The following CSNK2A2IP variants were observed in gnomAD, a reference collection of about 807,000 sequenced individuals.
CSNK2A2IP encodes casein kinase 2 subunit alpha' interacting protein.
the CSNK2A2IP span, among the ~76,000 whole-genome samples, chr3:88,344,240 C>T: frequency 6.7e-6 from 1 of 149,854 alleles, no homozygotes; most frequent in Non-Finnish European, 1.5e-5. Flanking sequence ...GACATGTGGT[C>T]ATTTCCATTA....
chr3:88,359,472 A>AAGT, the CSNK2A2IP span, among the ~76,000 whole-genome samples: 1 of 149,692 alleles, frequency 6.7e-6, no homozygotes, highest in Non-Finnish European at 1.5e-5. Flanking sequence ...GTTTTTTTTG[A>AAGT]AGTCTTTCTA....
chr3:88,373,248 A>G, the CSNK2A2IP span, among the ~76,000 whole-genome samples: 1 of 151,500 alleles, frequency 6.6e-6, no homozygotes, highest in East Asian at 1.9e-4. Flanking sequence ...CACTGTATTA[A>G]TACATTCAAA....
At chr3:88,359,610 T>A in the CSNK2A2IP span, among the ~76,000 whole-genome samples, 43 of 152,318 alleles carry the variant, frequency 2.8e-4, no homozygotes, top group African/African-American at 1.0e-3. Context: ...CTTCTTAATT[T>A]ATTTAAAGAC....
chr3:88,365,505 C>T, the CSNK2A2IP span, among the ~76,000 whole-genome samples: 1 of 152,112 alleles, frequency 6.6e-6, no homozygotes, highest in Admixed American at 6.6e-5. Flanking sequence ...GAAACATTCC[C>T]AGGTCCTCAG....
the CSNK2A2IP span, among the ~76,000 whole-genome samples, chr3:88,416,128 T>C: frequency 6.6e-6 from 1 of 151,338 alleles, no homozygotes. Flanking sequence ...AAAATTAGCC[T>C]GGTGTGGTGG....
At chr3:88,353,644 T>A in the CSNK2A2IP span, among the ~76,000 whole-genome samples, 1 of 152,184 alleles carries the variant, frequency 6.6e-6, no homozygotes, top group Admixed American at 6.5e-5. Context: ...CGGAAAATCC[T>A]TGCTTTCAAG....
At chr3:88,459,910 T>G in the CSNK2A2IP span, among the ~76,000 whole-genome samples, 2 of 152,164 alleles carry the variant, frequency 1.3e-5, no homozygotes, top group Non-Finnish European at 2.9e-5. Flanking sequence ...ATTATACTGT[T>G]AAATTTAGTG....
At chr3:88,391,780 T>C in the CSNK2A2IP span, among the ~76,000 whole-genome samples, 1 of 152,196 alleles carries the variant, frequency 6.6e-6, no homozygotes, top group South Asian at 2.1e-4. Context: ...TAGAAAGTCA[T>C]GAGACTGTGT....
the CSNK2A2IP span, among the ~76,000 whole-genome samples, chr3:88,409,416 T>C: frequency 2.6e-5 from 4 of 152,040 alleles, no homozygotes; most frequent in African/African-American, 7.3e-5. Context: ...GGCTAAGCCA[T>C]GATAGCATTC....
the CSNK2A2IP span, among the ~76,000 whole-genome samples, chr3:88,433,841 A>G: frequency 6.6e-6 from 1 of 152,174 alleles, no homozygotes; most frequent in Non-Finnish European, 1.5e-5. Context: ...CTCTGCCCAC[A>G]GAAATTGTTG....
At chr3:88,458,379 T>C in the CSNK2A2IP span, among the ~76,000 whole-genome samples, 1 of 151,944 alleles carries the variant, frequency 6.6e-6, no homozygotes, top group South Asian at 2.1e-4. Flanking sequence ...TCGAACTCCT[T>C]ATCTCAAGTG....
the CSNK2A2IP span, among the ~76,000 whole-genome samples, chr3:88,340,037 A>G: frequency 1.3e-5 from 2 of 152,052 alleles, no homozygotes; most frequent in African/African-American, 4.8e-5. Flanking sequence ...TTGCGAGGAC[A>G]CGGAATGACT....
chr3:88,422,814 A>T, the CSNK2A2IP span, among the ~76,000 whole-genome samples: 5 of 152,242 alleles, frequency 3.3e-5, no homozygotes, highest in Non-Finnish European at 5.9e-5. Context: ...AAAAATATTT[A>T]CTTTTTTCTT....
chr3:88,459,690 T>A, the CSNK2A2IP span, among the ~76,000 whole-genome samples: 21 of 152,136 alleles, frequency 1.4e-4, no homozygotes, highest in Admixed American at 5.2e-4. Flanking sequence ...TTGTTTTTGC[T>A]TTCATATGTT....
At chr3:88,340,312 T>C in the CSNK2A2IP span, among the ~76,000 whole-genome samples, 1 of 152,120 alleles carries the variant, frequency 6.6e-6, no homozygotes, top group East Asian at 1.9e-4. Context: ...AGGAATGTAC[T>C]TGTTAACACT....
At chr3:88,388,611 T>A in the CSNK2A2IP span, among the ~76,000 whole-genome samples, 1 of 152,158 alleles carries the variant, frequency 6.6e-6, no homozygotes, top group Non-Finnish European at 1.5e-5. Context: ...AGTCAGGAAG[T>A]GAAAAAAGTT....
the CSNK2A2IP span, among the ~76,000 whole-genome samples, chr3:88,401,598 A>G: frequency 6.6e-6 from 1 of 152,234 alleles, no homozygotes; most frequent in African/African-American, 2.4e-5. Context: ...CAAGTCTTTT[A>G]GGAGAAAGAT....
At chr3:88,349,791 CA>C in the CSNK2A2IP span, among the ~76,000 whole-genome samples, 4 of 152,070 alleles carry the variant, frequency 2.6e-5, no homozygotes, top group African/African-American at 9.7e-5. Context: ...TCCATGCCAA[CA>C]TCTATTTTTT....
the CSNK2A2IP span, among the ~76,000 whole-genome samples, chr3:88,414,877 T>A: frequency 2.6e-5 from 4 of 151,954 alleles, no homozygotes; most frequent in African/African-American, 9.7e-5. Flanking sequence ...GAGTCTAATG[T>A]GGATTAGGTA....
Sources: gnomAD v4.1 joint callset for allele counts (sites outside exome capture counted in the v4.1 genomes callset) on GRCh38, gnomAD v4.1.1 for gene constraint, MANE v1.5 for transcripts, NCBI Gene and HGNC (gene_info 2026-07-23, HGNC 2026-07-21) for gene names.